EML6: variants seen among roughly 807,000 people sequenced by gnomAD.
EML6 encodes the protein EMAP like 6, also known as echinoderm microtubule-associated protein-like 6.
EML6 carries 154 observed loss-of-function variants against 240.1 expected under a neutral mutation model. That is an observed-to-expected ratio of 0.64 (90% CI 0.56 to 0.73). EML6 has a LOEUF of 0.73. EML6 is among the 30% of genes least tolerant of loss of function. EML6 has a pLI of 0.00. For synonymous variants in EML6, 1,148 were observed against 899.0 expected (o/e 1.28, Z -4.95); for missense variants, 2,964 against 2,474.6 (o/e 1.20, Z -4.20).
chr2:54,846,638 C>A (rs77979344), intron 8 of EML6, among the ~76,000 whole-genome samples: 1 of 151,752 alleles, frequency 6.6e-6, no homozygotes, highest in South Asian at 2.1e-4. Context: ...CATGCCCCAC[C>A]ACACCCAGCT....
Position 54,726,889 on chromosome 2 carries a change from G to T in EML6, c.197+1631G>T, listed in dbSNP as rs139181832. 4.9e-3 allele frequency among the ~76,000 whole-genome samples: 748 copies of T among 152,284 alleles called. 5 individuals are homozygous for T. Among genetic ancestry groups the T allele is most frequent in the African/African-American group, 0.017 (706 of 41,552 alleles). On this transcript the variant is annotated intron_variant, in intron 2 of 41. Coordinates refer to ENST00000356458, the MANE Select transcript of EML6 (RefSeq NM_001039753.4). ...GAAGGGAGAGAGTGGCAATTAAACA[G>T]AAAATTCTCTGTGGTTAAATAATAT...
intron 7 of EML6, among the ~76,000 whole-genome samples, chr2:54,840,898 A>G (rs1669410747): frequency 6.6e-6 from 1 of 152,220 alleles, no homozygotes; most frequent in Non-Finnish European, 1.5e-5. Flanking sequence ...TTCCTTCCTG[A>G]TGATGCTGAA....
chr2:54,850,440 A>C, intron 10 of EML6: 1 of 518,992 alleles, frequency 1.9e-6, no homozygotes, highest in Non-Finnish European at 3.4e-6. Context: ...GTTAAACTAA[A>C]AGTTGCTGCA....
At chr2:54,797,185 A>AAAAAC (rs1558557076) in intron 2 of EML6, among the ~76,000 whole-genome samples, 4 of 149,064 alleles carry the variant, frequency 2.7e-5, no homozygotes, top group Admixed American at 6.7e-5. Flanking sequence ...AAAAAAAAAA[A>AAAAAC]AAAACTGTGA....
At chr2:54,822,560 T>C (rs1668381161) in intron 5 of EML6, among the ~76,000 whole-genome samples, 1 of 152,196 alleles carries the variant, frequency 6.6e-6, no homozygotes, top group South Asian at 2.1e-4. Context: ...GATGAAACAC[T>C]GTACAATCAT....
chr2:54,853,683 T>A lies in EML6; in HGVS notation c.1485T>A (p.Ile495=). The part of the protein sequence containing the change: ...PLTSKEEIKG[I]PWASWTCVKG... The stretch of plus-strand genomic sequence containing the variant: ...CAAGTAAAGAAGAAATTAAAGGGAT[T>A]CCTTGGGCCTCCTGGACATGCGTGA... Residue 495 remains isoleucine (I), a synonymous_variant, in exon 11 of 42, where the codon ATT becomes ATA. Coordinates refer to ENST00000356458, the MANE Select transcript of EML6 (RefSeq NM_001039753.4). 1 of 1,549,520 alleles carries A rather than the reference T, an allele frequency of 6.5e-7. No individual in the cohort carries two copies. The highest frequency in any genetic ancestry group is 8.7e-7 in the Non-Finnish European group (1 of 1,145,782).
intron 28 of EML6, among the ~76,000 whole-genome samples, chr2:54,935,050 C>G (rs1053711545): frequency 1.3e-5 from 2 of 152,070 alleles, no homozygotes; most frequent in Admixed American, 6.5e-5. Context: ...TTATTTGTCT[C>G]TGGAAGGAAT....
chr2:54,866,985 GTCC>G, intron 14 of EML6, 101 bp downstream of exon 14: 1 of 635,916 alleles, frequency 1.6e-6, no homozygotes, highest in East Asian at 2.8e-5. Flanking sequence ...CCTCAGTGTC[GTCC>G]TCCTCCTGGC....
chr2:54,783,344 A>C (rs992306311), intron 2 of EML6, among the ~76,000 whole-genome samples: 3 of 152,244 alleles, frequency 2.0e-5, no homozygotes, highest in Non-Finnish European at 1.5e-5. Flanking sequence ...GCTTAAGTCT[A>C]GATTTTTAAT....
chr2:54,925,666 C>A (rs1012910737), intron 26 of EML6, among the ~76,000 whole-genome samples: 2 of 152,172 alleles, frequency 1.3e-5, no homozygotes, highest in African/African-American at 4.8e-5. Context: ...GCCCTGACAG[C>A]CACCTTGTCC....
chr2:54,938,639 A>C (rs1430929151), intron 28 of EML6, among the ~76,000 whole-genome samples: 1 of 152,214 alleles, frequency 6.6e-6, no homozygotes, highest in African/African-American at 2.4e-5. Flanking sequence ...TGACACGTCC[A>C]CTATGGGAAC....
Position 54,890,601 on chromosome 2 carries a change from A to G in EML6, c.2439-453A>G, listed in dbSNP as rs369314786. On this transcript the variant is annotated intron_variant, in intron 17 of 41. Coordinates refer to ENST00000356458, the MANE Select transcript of EML6 (RefSeq NM_001039753.4). ...ACAATATGTTTCCAGCTGAAAACCC[A>G]TTTAACCCAGAGCAATGCTTTCCAC... 7.2e-5 allele frequency among the ~76,000 whole-genome samples: 11 copies of G among 152,290 alleles called. No homozygotes were observed. In the East Asian group the frequency reaches 2.1e-3, roughly 29 times the overall value.
intron 8 of EML6, among the ~76,000 whole-genome samples, chr2:54,846,856 C>T (rs1669786333): frequency 6.6e-6 from 1 of 151,338 alleles, no homozygotes; most frequent in Non-Finnish European, 1.5e-5. Context: ...GTGTGATGAA[C>T]AACCCTTGGT....
At chr2:54,946,988 C>A (rs1232833057) in intron 28 of EML6, among the ~76,000 whole-genome samples, 1 of 151,226 alleles carries the variant, frequency 6.6e-6, no homozygotes, top group Non-Finnish European at 1.5e-5. Flanking sequence ...TATATAAATA[C>A]ACGGTGTTTG....
intron 2 of EML6, among the ~76,000 whole-genome samples, chr2:54,759,611 GA>G (rs1183492862): frequency 6.6e-6 from 1 of 151,972 alleles, no homozygotes; most frequent in African/African-American, 2.4e-5. Context: ...ATCTGGGGGA[GA>G]GAGAAAAACT....
chr2:54,917,002 G>C (rs962629687), intron 26 of EML6, 67 bp downstream of exon 26: 19 of 1,267,836 alleles, frequency 1.5e-5, no homozygotes, highest in Non-Finnish European at 1.8e-5. Flanking sequence ...TTGTATCTAA[G>C]TGCATTTTTA....
At position 54,774,533 on chromosome 2, in the gene EML6, A is replaced by T. The variant is rs1195210758; in HGVS notation, c.198-38699A>T. Among the ~76,000 whole-genome samples the T allele has an allele frequency of 6.6e-6, 1 of 152,196 alleles. No homozygotes were observed. Among genetic ancestry groups the T allele is most frequent in the Non-Finnish European group, 1.5e-5 (1 of 68,030 alleles). On this transcript the variant is annotated intron_variant, in intron 2 of 41. Coordinates refer to ENST00000356458, the MANE Select transcript of EML6 (RefSeq NM_001039753.4). This position sits in a 1 kb window ranked among gnomAD's most constrained non-coding sequence, Gnocchi z 4.1. ...ATGGTTTTTAGCCTACATCACGGGGAGAATGGAAGAGCTAGCATCTCTGCT... is the reference window on the plus strand; with the variant it reads ...ATGGTTTTTAGCCTACATCACGGGGTGAATGGAAGAGCTAGCATCTCTGCT...
At chr2:54,869,044 C>T in intron 14 of EML6, 137 bp from the exon 15 acceptor site, 1 of 550,782 alleles carries the variant, frequency 1.8e-6, no homozygotes, top group South Asian at 3.2e-5. Context: ...CTCATTTAAA[C>T]ATTGCTGTCC....
intron 17 of EML6, among the ~76,000 whole-genome samples, chr2:54,889,313 G>A (rs1206154312): frequency 1.3e-5 from 2 of 151,666 alleles, no homozygotes; most frequent in Admixed American, 1.3e-4. Flanking sequence ...AAATCAAATT[G>A]TCTAACTCCA....
Sources: allele counts gnomAD v4.1 joint callset (sites outside exome capture counted in the v4.1 genomes callset), GRCh38; gene constraint gnomAD v4.1.1; non-coding constraint Gnocchi (gnomAD v3.1); transcripts MANE v1.5; gene names NCBI Gene and HGNC (gene_info 2026-07-23, HGNC 2026-07-21).